Variants in ETV7 observed in about 807,000 individuals in gnomAD.
The protein encoded by ETV7 is transcription factor ETV7.
In ETV7, 43 loss-of-function variants were observed where a neutral mutation model predicts 39.1. That is an observed-to-expected ratio of 1.10 (90% CI 0.86 to 1.42). ETV7 has a LOEUF of 1.42. Among genes scored for constraint, ETV7 ranks in the 40% most tolerant of loss-of-function variants. The pLI, the probability that ETV7 is intolerant of heterozygous loss-of-function variation, is 0.00. For synonymous variants in ETV7, 196 were observed against 176.6 expected, an observed-to-expected ratio of 1.11 and a Z score of -0.87; for missense variants, 432 against 442.3, an observed-to-expected ratio of 0.98 and a Z score of 0.21.
chr6:36,372,164 G>A lies in ETV7; in HGVS notation c.434-604C>T, dbSNP rs73406994. On this transcript the variant is annotated intron_variant, in intron 4 of 7. Coordinates refer to ENST00000340181, the MANE Select transcript of ETV7 (RefSeq NM_016135.4). ...CTGACATTAGCATTTGAACAGACCTGAAGGAGGTAGAGGAGTGAGCTCTGT... is the reference window on the plus strand; with the variant it reads ...CTGACATTAGCATTTGAACAGACCTAAAGGAGGTAGAGGAGTGAGCTCTGT... Among the ~76,000 whole-genome samples, 348 of 152,342 alleles carry A rather than the reference G, an allele frequency of 2.3e-3. 2 individuals carry two copies. Among genetic ancestry groups the A allele is most frequent in the African/African-American group, 7.6e-3 (318 of 41,580 alleles).
chr6:36,377,166 A>T (rs1773419853), intron 2 of ETV7, among the ~76,000 whole-genome samples: 1 of 152,180 alleles, frequency 6.6e-6, no homozygotes, highest in African/African-American at 2.4e-5. Context: ...GTGGGCAAAA[A>T]ATATTTAAAA....
intron 4 of ETV7, among the ~76,000 whole-genome samples, chr6:36,372,054 G>GA (rs996698728): frequency 6.6e-5 from 10 of 152,094 alleles, no homozygotes; most frequent in South Asian, 2.1e-4. Context: ...AATATGAGGT[G>GA]AAAAAAATAA....
intron 7 of ETV7, among the ~76,000 whole-genome samples, chr6:36,358,361 T>A (rs1474464255): frequency 6.6e-6 from 1 of 152,266 alleles, no homozygotes; most frequent in African/African-American, 2.4e-5. Context: ...AGTTCAGGTC[T>A]CCTGCTTTGT....
intron 2 of ETV7, among the ~76,000 whole-genome samples, chr6:36,382,589 G>A (rs1017657753): frequency 6.6e-6 from 1 of 152,134 alleles, no homozygotes; most frequent in African/African-American, 2.4e-5. Flanking sequence ...TAAATGAAGT[G>A]CCCAGGAACT....
At chr6:36,358,261 G>A (rs1229292073) in intron 7 of ETV7, among the ~76,000 whole-genome samples, 1 of 152,196 alleles carries the variant, frequency 6.6e-6, no homozygotes, top group Non-Finnish European at 1.5e-5. Flanking sequence ...TTGTCAGAAA[G>A]GCACTTCATC....
intron 7 of ETV7, among the ~76,000 whole-genome samples, chr6:36,356,340 C>CAAAAAAAAAAAAAA: frequency 7.8e-6 from 1 of 128,288 alleles, no homozygotes; most frequent in Non-Finnish European, 1.6e-5. Flanking sequence ...AAAAAAAAAA[C>CAAAAAAAAAAAAAA]AAAAAAAAAC....
intron 3 of ETV7, among the ~76,000 whole-genome samples, chr6:36,375,268 CT>C (rs1773261078): frequency 6.6e-6 from 1 of 152,128 alleles, no homozygotes; most frequent in South Asian, 2.1e-4. Context: ...AAAAGAGCCA[CT>C]GAAAACAAGC....
intron 2 of ETV7, 29 bp downstream of exon 2, chr6:36,385,505 A>C (rs747528797): frequency 1.4e-5 from 23 of 1,613,990 alleles, no homozygotes; most frequent in South Asian, 8.8e-5. Context: ...ACTTTTAAAA[A>C]CTCAGCTTTT....
downstream of ETV7, among the ~76,000 whole-genome samples, chr6:36,364,346 T>C (rs1772636135): frequency 6.6e-6 from 1 of 152,348 alleles, no homozygotes; most frequent in African/African-American, 2.4e-5. Context: ...GGCTCAGGCA[T>C]GGCAGGCTGC....
chr6:36,381,376 G>A (rs76186697), intron 2 of ETV7, among the ~76,000 whole-genome samples: 2,288 of 152,152 alleles, frequency 0.015, 48 homozygotes, highest in African/African-American at 0.049. Context: ...ACTGTAAGGC[G>A]GAGATAACAA....
At position 36,366,936 on chromosome 6, in the gene ETV7, G is replaced by T; in HGVS notation, c.847C>A (p.Leu283Met). 1 of 1,614,020 alleles carries T rather than the reference G, an allele frequency of 6.2e-7. No homozygotes were observed. Among genetic ancestry groups the T allele is most frequent in the South Asian group, 1.1e-5 (1 of 91,066 alleles). The change falls in exon 7 of 8, where the codon CTG becomes ATG. Residue 283 changes from leucine to methionine, a missense_variant. Transcript: ENST00000340181. ...ATATTAAGCTTATAATAGTGGCGCA[G>T]GGCACGAGACATCTTCTCGTAGGTC... Reference protein sequence around the residue: ...NMTYEKMSRALRHYYKLNIIK... With the variant: ...NMTYEKMSRAMRHYYKLNIIK...
chr6:36,367,552 C>G (rs1772793381), intron 6 of ETV7, among the ~76,000 whole-genome samples: 1 of 152,134 alleles, frequency 6.6e-6, no homozygotes, highest in Non-Finnish European at 1.5e-5. Context: ...TGGGAGTGAA[C>G]TGCATGTTAC....
At chr6:36,375,382 G>A (rs897149619) in intron 3 of ETV7, among the ~76,000 whole-genome samples, 1 of 151,788 alleles carries the variant, frequency 6.6e-6, no homozygotes, top group African/African-American at 2.4e-5. Flanking sequence ...CACAAACTCC[G>A]TGCTGCTGGA....
Position 36,373,594 on chromosome 6 carries a change from A to AGGGGGGGGGG in ETV7, c.308-17_308-16insCCCCCCCCCC. The AGGGGGGGGGG allele has an allele frequency of 2.8e-6, 1 of 358,000 alleles. No homozygotes were observed. The highest frequency in any genetic ancestry group is 5.1e-6 in the Non-Finnish European group (1 of 197,924). 22.2% of individuals were successfully genotyped at this position (358,000 alleles called of 1,614,324 possible). A position where few individuals can be genotyped will look rare whatever the true frequency, so the allele number is the denominator to read the frequency against. ...AGGACGTCACCTGGAGGTGGGTGGG[A>AGGGGGGGGGG]GGGAGGGCAGGCTGCTGAACAGGCC... On this transcript the variant is annotated splice_polypyrimidine_tract_variant and intron_variant, in intron 3 of 7. Coordinates refer to ENST00000340181, the MANE Select transcript of ETV7 (RefSeq NM_016135.4).
At chr6:36,371,719 G>C (rs1773037408) in intron 4 of ETV7, among the ~76,000 whole-genome samples, 159 bp from the exon 5 acceptor site, 1 of 152,234 alleles carries the variant, frequency 6.6e-6, no homozygotes, top group Non-Finnish European at 1.5e-5. Context: ...GTGGGGGGCA[G>C]TGGGTGAGGG....
At chr6:36,375,789 TCCCTGGGCCC>T in intron 3 of ETV7, 72 bp downstream of exon 3, 1 of 1,602,386 alleles carries the variant, frequency 6.2e-7, no homozygotes, top group Non-Finnish European at 8.5e-7. Context: ...TCCATCTCCC[TCCCTGGGCCC>T]CCCGGGGGTA....
chr6:36,375,769 G>A (rs1429558025), intron 3 of ETV7, 102 bp downstream of exon 3: 7 of 1,571,696 alleles, frequency 4.5e-6, no homozygotes, highest in Non-Finnish European at 6.1e-6. Flanking sequence ...GATTCCCCAA[G>A]GAAGACCCCT....
At chr6:36,372,071 C>T (rs1163554850) in intron 4 of ETV7, among the ~76,000 whole-genome samples, 1 of 152,178 alleles carries the variant, frequency 6.6e-6, no homozygotes, top group Non-Finnish European at 1.5e-5. Flanking sequence ...ATAAATCACC[C>T]TAAGGCAGAT....
At chr6:36,375,624 G>A (rs772211307) in intron 3 of ETV7, among the ~76,000 whole-genome samples, 2 of 152,172 alleles carry the variant, frequency 1.3e-5, no homozygotes, top group Admixed American at 6.5e-5. Flanking sequence ...AAGAGAAAGC[G>A]AGAGAGCAGA....
Sources: gnomAD v4.1 joint callset for allele counts (sites outside exome capture counted in the v4.1 genomes callset) on GRCh38, gnomAD v4.1.1 for gene constraint, MANE v1.5 for transcripts, NCBI Gene and HGNC (gene_info 2026-07-23, HGNC 2026-07-21) for gene names.